JMJD4: variants seen among roughly 807,000 people sequenced by gnomAD.
JMJD4 encodes jumonji domain containing 4.
A neutral mutation model predicts 36.3 loss-of-function variants in JMJD4; 34 were observed. The ratio of observed to expected loss-of-function variants is 0.94; its 90% CI spans 0.71 to 1.25. JMJD4 has a LOEUF of 1.25. Among genes scored for constraint, JMJD4 ranks in the 50% most tolerant of loss-of-function variants. The pLI is 0.00. For missense variants in JMJD4, 584 were observed against 559.1 expected (o/e 1.04, Z -0.45); for synonymous variants, 269 against 235.3 (o/e 1.14, Z -1.31).
At position 227,735,054 on chromosome 1, in the gene JMJD4, G is replaced by A. The variant is rs1171589258; in HGVS notation, c.220C>T (p.Pro74Ser). ...TGGTCGAAGTCGGGCCTCCCCGCGG[G>A]CGTCACCCAGCGCCGCCGGCTGCCC... is the stretch of plus-strand genomic sequence containing the variant. ...GWGSRRRWVT[P>S]AGRPDFDHLL... Residue 74 changes from proline to serine, a missense_variant, in exon 1 of 6, where the codon CCC (proline) becomes TCC (serine). Transcript: ENST00000620518. The A allele has an allele frequency of 6.4e-7, 1 of 1,555,758 alleles. No individual in the cohort carries two copies. Among genetic ancestry groups the A allele is most frequent in the African/African-American group, 1.4e-5 (1 of 72,654 alleles).
In JMJD4 at chr1:227,732,230, C is replaced by CA; in HGVS notation, c.*161dup. 1.3e-6 allele frequency: 1 copy of CA among 783,448 alleles called. No individual in the cohort carries two copies. The highest frequency in any genetic ancestry group is 2.6e-5 in the Admixed American group (1 of 38,958). The allele number at this position is 783,448 out of a possible 1,614,324, so 48.5% of individuals were successfully genotyped here. A position where few individuals can be genotyped will look rare whatever the true frequency, so the allele number is the denominator to read the frequency against. On this transcript the variant is annotated 3_prime_UTR_variant, in exon 6 of 6. Coordinates refer to ENST00000620518, the MANE Select transcript of JMJD4 (RefSeq NM_023007.3). ...TTGGGTCCCTGACCTCATTGGGCCT[C>CA]ACCTGAAAACAGGCACCCAGGCAGT...
rs777973288 is a variant in JMJD4 at position 227,733,945 on chromosome 1, A to G, written c.516T>C (p.Asp172=). 1 of 1,613,942 alleles carries G rather than the reference A, an allele frequency of 6.2e-7. No individual in the cohort carries two copies. The highest frequency in any genetic ancestry group is 2.2e-5 in the East Asian group (1 of 44,878). The change falls in exon 3 of 6, where the codon GAT becomes GAC. Residue 172 remains aspartate, a synonymous_variant. Transcript: ENST00000620518. The stretch of plus-strand genomic sequence containing the variant: ...GCCCCGCGTAGACAAAGCGGTAGTC[A>G]TCCACATCCAGTGCATCCCAGAACT... ...LNEFWDALDV[D]DYRFVYAGPA... is the part of the protein sequence containing the mutation.
In JMJD4 at chr1:227,731,878, G is replaced by A. The variant is rs1660671302; in HGVS notation, c.*514C>T. The A allele has an allele frequency of 1.2e-5, 2 of 160,586 alleles. No individual in the cohort carries two copies. The highest frequency in any genetic ancestry group is 4.8e-5 in the African/African-American group (2 of 41,620). 9.9% of individuals were successfully genotyped at this position (160,586 alleles called of 1,614,324 possible). A position where few individuals can be genotyped will look rare whatever the true frequency, so the allele number is the denominator to read the frequency against. ...CTCCACTCTGGGTACCCAGAGGAAG[G>A]CGCAGGCCGCTGGTTCCACAGCCCA... On this transcript the variant is annotated 3_prime_UTR_variant, in exon 6 of 6. Transcript: ENST00000620518.
In JMJD4 at chr1:227,733,924, C is replaced by T. The variant is rs763865736; in HGVS notation, c.537G>A (p.Ala179=). ...GGCCTCACCAGCTGCCCGCAGGCCC[C>T]GCGTAGACAAAGCGGTAGTCATCCA... is the stretch of plus-strand genomic sequence containing the variant. The part of the protein sequence containing the change: ...LDVDDYRFVY[A]GPAGSWSPFH... Residue 179 remains alanine, a synonymous_variant, in exon 3 of 6, where the codon GCG becomes GCA. Transcript: ENST00000620518. 58 of 1,613,630 alleles carry T rather than the reference C, an allele frequency of 3.6e-5. No homozygotes were observed. The highest frequency in any genetic ancestry group is 4.8e-5 in the Non-Finnish European group (57 of 1,179,970).
At position 227,733,678 on chromosome 1, in the gene JMJD4, G is replaced by A; in HGVS notation, c.558C>T (p.Ser186=). 2 of 1,600,252 alleles carry A rather than the reference G, an allele frequency of 1.2e-6. No homozygotes were observed. Among genetic ancestry groups the A allele is most frequent in the East Asian group, 2.2e-5 (1 of 44,874 alleles). The change falls in exon 4 of 6, where the codon TCC becomes TCT. Residue 186 remains serine (S), a synonymous_variant. Transcript: ENST00000620518. ...AGCGGAAGATGTCAGCATGGAACGGGGACCTGCGGCAGCAAGAGCGCCTGG... is the reference window on the plus strand; with the variant it reads ...AGCGGAAGATGTCAGCATGGAACGGAGACCTGCGGCAGCAAGAGCGCCTGG... ...FVYAGPAGSW[S]PFHADIFRSF...
intron 5 of JMJD4, 73 bp from the exon 6 acceptor site, chr1:227,732,749 C>T: frequency 1.9e-6 from 3 of 1,593,200 alleles, no homozygotes; most frequent in Non-Finnish European, 2.6e-6. Context: ...CGACATGCGC[C>T]CAGTCCCCAA....
chr1:227,735,142 A>G lies in JMJD4; in HGVS notation c.132T>C (p.Phe44=), dbSNP rs1424784975. ...GGTTGGGCAGCAAGAAGCCCCGCAC[A>G]AAGTCGGCGTAGGAGAAGGCGCCCG... ...SEPGAFSYAD[F]VRGFLLPNLP... The change falls in exon 1 of 6, where the codon TTT becomes TTC. Residue 44 remains phenylalanine (F), a synonymous_variant. Coordinates refer to ENST00000620518, the MANE Select transcript of JMJD4 (RefSeq NM_023007.3). The G allele has an allele frequency of 6.3e-6, 10 of 1,581,968 alleles. No individual in the cohort carries two copies. The highest frequency in any genetic ancestry group is 4.6e-5 in the East Asian group (2 of 43,020).
Position 227,733,946 on chromosome 1 carries a change from T to A in JMJD4, c.515A>T (p.Asp172Val). 1 of 1,613,862 alleles carries A rather than the reference T, an allele frequency of 6.2e-7. No homozygotes were observed. Among genetic ancestry groups the A allele is most frequent in the East Asian group, 2.2e-5 (1 of 44,866 alleles). ...LNEFWDALDVDDYRFVYAGPA... is the reference protein window; with the variant it reads ...LNEFWDALDVVDYRFVYAGPA... ...CCCCGCGTAGACAAAGCGGTAGTCA[T>A]CCACATCCAGTGCATCCCAGAACTC... The change falls in exon 3 of 6, where the codon GAT (aspartate) becomes GTT (valine). Residue 172 changes from aspartate to valine, a missense_variant. Physicochemically the swap from Asp to Val is radical, Grantham distance 152. Coordinates refer to ENST00000620518, the MANE Select transcript of JMJD4 (RefSeq NM_023007.3).
intron 2 of JMJD4, chr1:227,734,448 A>C: frequency 2.0e-6 from 1 of 488,782 alleles, no homozygotes; most frequent in Non-Finnish European, 3.5e-6. Context: ...TCAAAAAAAA[A>C]GGAAAAAAAA....
At chr1:227,734,977 TC>T (rs1419448796) in intron 1 of JMJD4, 34 bp downstream of exon 1, 2 of 1,506,630 alleles carry the variant, frequency 1.3e-6, no homozygotes, top group Non-Finnish European at 1.8e-6. Flanking sequence ...CGCCGGCCTT[TC>T]CTCCCCGCCC....
At chr1:227,733,054 C>T in intron 4 of JMJD4, 27 bp from the exon 5 acceptor site, 1 of 1,611,786 alleles carries the variant, frequency 6.2e-7, no homozygotes, top group Non-Finnish European at 8.5e-7. Flanking sequence ...GCAGGCAGGC[C>T]TGAGCCCATG....
Position 227,734,818 on chromosome 1 carries a change from T to C in JMJD4, c.263-2A>G. ...TTGCAACTGGTACAACCACGTCTCC[T>C]GAAATGAAAGGCACGGTCCATGCCA... On this transcript the variant is annotated splice_acceptor_variant, in intron 1 of 5. Transcript: ENST00000620518. LOFTEE classifies it high-confidence loss of function. 1 of 1,613,686 alleles carries C rather than the reference T, an allele frequency of 6.2e-7. No individual in the cohort carries two copies. The highest frequency in any genetic ancestry group is 1.1e-5 in the South Asian group (1 of 91,064).
intron 2 of JMJD4, 25 bp from the exon 3 acceptor site, chr1:227,734,057 A>C (rs1454405435): frequency 6.2e-7 from 1 of 1,607,662 alleles, no homozygotes. Context: ...CAAGGGCACC[A>C]CCGACAGCAC....
At chr1:227,734,391 A>G (rs375331569) in intron 2 of JMJD4, 1 of 345,666 alleles carries the variant, frequency 2.9e-6, no homozygotes, top group Non-Finnish European at 5.1e-6. Flanking sequence ...GGGAGTGGAG[A>G]CGCCTTCCTG....
At chr1:227,732,716 C>T (rs554248769) in intron 5 of JMJD4, 40 bp from the exon 6 acceptor site, 1 of 1,605,446 alleles carries the variant, frequency 6.2e-7, no homozygotes, top group African/African-American at 1.3e-5. Context: ...ACACCATGGA[C>T]ACAGTCCAAG....
intron 2 of JMJD4, 95 bp from the exon 3 acceptor site, chr1:227,734,127 T>C: frequency 1.4e-6 from 2 of 1,416,846 alleles, no homozygotes; most frequent in South Asian, 1.3e-5. Context: ...TCGGCTCCAG[T>C]GGAGCTTCCA....
chr1:227,733,745 C>T, intron 3 of JMJD4, 64 bp from the exon 4 acceptor site: 2 of 1,595,402 alleles, frequency 1.3e-6, no homozygotes, highest in South Asian at 1.1e-5. Flanking sequence ...CTTGGCACCC[C>T]AGAGGCCTGG....
chr1:227,734,713 G>A lies in JMJD4; in HGVS notation c.366C>T (p.Tyr122=), dbSNP rs1266741461. 1.2e-5 allele frequency: 19 copies of A among 1,614,014 alleles called. No homozygotes were observed. In the Admixed American group the frequency reaches 3.0e-4, roughly 25 times the overall value. ...TGGGAGAGGAGTAGCCCGCCTGTAT[G>A]TACTCTTTCCAGTAGGTGATGTAGT... ...LRDYITYWKE[Y]IQAGYSSPRG... is the part of the protein sequence containing the mutation. The change falls in exon 2 of 6, where the codon TAC becomes TAT. Residue 122 remains tyrosine (Y), a synonymous_variant. Transcript: ENST00000620518.
Position 227,731,830 on chromosome 1 carries a change from G to A in JMJD4, c.*562C>T. On this transcript the variant is annotated 3_prime_UTR_variant, in exon 6 of 6. Transcript: ENST00000620518. ...CAGGCCCTGCAAAGGCAGGGAGGTG[G>A]CAAAGGCCAGCCCAACCCAGCCCTC... is the stretch of plus-strand genomic sequence containing the variant. 1 of 160,522 alleles carries A rather than the reference G, an allele frequency of 6.2e-6. No homozygotes were observed. Among genetic ancestry groups the A allele is most frequent in the Admixed American group, 5.7e-5 (1 of 17,568 alleles). 9.9% of individuals were successfully genotyped at this position (160,522 alleles called of 1,614,324 possible).
Sources: allele counts gnomAD v4.1 joint callset, GRCh38; gene constraint gnomAD v4.1.1; transcripts MANE v1.5; gene names NCBI Gene and HGNC (gene_info 2026-07-23, HGNC 2026-07-21).